SLC49A4: variants seen among roughly 807,000 people sequenced by gnomAD.
SLC49A4 encodes solute carrier family 49 member 4, also known as disrupted in renal cancer protein 2.
Under a neutral mutation model 50.6 loss-of-function variants are expected in SLC49A4, and 36 were observed. That is an observed-to-expected ratio of 0.71 (90% CI 0.55 to 0.94). SLC49A4 has a LOEUF of 0.94. Among genes scored for constraint, SLC49A4 ranks in the 40% least tolerant of loss-of-function variants. SLC49A4 has a pLI of 0.00. For synonymous variants in SLC49A4, 248 were observed against 241.2 expected, an observed-to-expected ratio of 1.03 and a Z score of -0.26; for missense variants, 503 against 605.7, an observed-to-expected ratio of 0.83 and a Z score of 1.78.
intron 7 of SLC49A4, among the ~76,000 whole-genome samples, chr3:122,862,749 A>G (rs1473695357): frequency 6.6e-6 from 1 of 152,236 alleles, no homozygotes; most frequent in Non-Finnish European, 1.5e-5. Context: ...AATTTTTATT[A>G]TAAGATAGTA....
At chr3:122,826,635 T>TA (rs1936532265) in intron 2 of SLC49A4, among the ~76,000 whole-genome samples, 165 bp from the exon 3 acceptor site, 1 of 152,222 alleles carries the variant, frequency 6.6e-6, no homozygotes, top group African/African-American at 2.4e-5. Flanking sequence ...GGAGTCAACA[T>TA]ACCTGTTTTA....
chr3:122,839,437 C>T (rs1223192991), intron 4 of SLC49A4, among the ~76,000 whole-genome samples: 11 of 152,052 alleles, frequency 7.2e-5, no homozygotes, highest in Admixed American at 7.2e-4. Context: ...AAGTAATCAT[C>T]AGAGTAAACA....
chr3:122,865,781 G>A (rs562871003), intron 7 of SLC49A4, among the ~76,000 whole-genome samples: 1 of 152,230 alleles, frequency 6.6e-6, no homozygotes, highest in East Asian at 1.9e-4. Flanking sequence ...TGAAATAAAA[G>A]TTCAGTCAGT....
At chr3:122,810,128 T>C (rs1353983002) in intron 2 of SLC49A4, among the ~76,000 whole-genome samples, 5 of 152,196 alleles carry the variant, frequency 3.3e-5, no homozygotes, top group Admixed American at 3.3e-4. Flanking sequence ...ACCCAGCCTT[T>C]TGGAATGGCT....
intron 2 of SLC49A4, among the ~76,000 whole-genome samples, chr3:122,822,386 A>G (rs1936466453): frequency 6.6e-6 from 1 of 152,134 alleles, no homozygotes; most frequent in Admixed American, 6.6e-5. Flanking sequence ...TTTAAGCTGG[A>G]TGTTTTTTCT....
intron 4 of SLC49A4, among the ~76,000 whole-genome samples, chr3:122,835,163 C>G (rs909275028): frequency 2.6e-5 from 4 of 152,144 alleles, no homozygotes; most frequent in Non-Finnish European, 5.9e-5. Context: ...CCTACTGAAA[C>G]TATTCCAAAA....
chr3:122,866,739 A>T (rs1200424332), intron 7 of SLC49A4, among the ~76,000 whole-genome samples: 1 of 151,358 alleles, frequency 6.6e-6, no homozygotes, highest in African/African-American at 2.4e-5. Flanking sequence ...TCTTAGGACC[A>T]TTCCTCATCG....
chr3:122,813,578 G>T (rs1268374696), intron 2 of SLC49A4, among the ~76,000 whole-genome samples: 2 of 152,092 alleles, frequency 1.3e-5, no homozygotes, highest in Non-Finnish European at 2.9e-5. Flanking sequence ...AAAGTAGACC[G>T]AGTTGAAATT....
At chr3:122,845,322 T>C (rs1401981730) in intron 4 of SLC49A4, among the ~76,000 whole-genome samples, 1 of 152,216 alleles carries the variant, frequency 6.6e-6, no homozygotes, top group Non-Finnish European at 1.5e-5. Context: ...CTGTGGAGTA[T>C]TCCATAGTGT....
intron 2 of SLC49A4, among the ~76,000 whole-genome samples, chr3:122,817,941 C>G (rs1936397619): frequency 6.6e-6 from 1 of 151,972 alleles, no homozygotes; most frequent in Middle Eastern, 3.2e-3. Flanking sequence ...GAAGCAGACA[C>G]TGTCAGCTAC....
chr3:122,856,286 T>A (rs777129722), intron 5 of SLC49A4, 21 bp from the exon 6 acceptor site: 1 of 1,613,130 alleles, frequency 6.2e-7, no homozygotes, highest in East Asian at 2.2e-5. Flanking sequence ...GTATTAAATG[T>A]GTCTGCTTCT....
intron 1 of SLC49A4, among the ~76,000 whole-genome samples, chr3:122,796,256 A>C (rs554953306): frequency 1.8e-4 from 28 of 152,366 alleles, no homozygotes; most frequent in Middle Eastern, 3.4e-3. Context: ...AGTATGGATA[A>C]ATGATTAGTA....
Position 122,857,578 on chromosome 3 carries a change from G to A in SLC49A4, c.1010+1204G>A, listed in dbSNP as rs114434408. ...ACTTTATGGTTCACATAGTGTTTCA[G>A]GGATATTGAAAGAATAAATTGACAC... On this transcript the variant is annotated intron_variant, in intron 6 of 8. Transcript: ENST00000261038. Among the ~76,000 whole-genome samples, 1,103 of 152,224 alleles carry A rather than the reference G, an allele frequency of 7.2e-3. 12 individuals are homozygous for A. The highest frequency in any genetic ancestry group is 0.025 in the African/African-American group (1,043 of 41,544).
In SLC49A4 at chr3:122,795,130, G is replaced by A; in HGVS notation, c.-63G>A. On this transcript the variant is annotated 5_prime_UTR_variant, in exon 1 of 9. Coordinates refer to ENST00000261038, the MANE Select transcript of SLC49A4 (RefSeq NM_032839.3). ...CTCCTGCTGCTCAGGACTATTCTGC[G>A]CTGGGCTAGTCGGCGGTGACCCGGA... is the stretch of plus-strand genomic sequence containing the variant. 2.3e-6 allele frequency: 3 copies of A among 1,295,042 alleles called. No homozygotes were observed. The highest frequency in any genetic ancestry group is 2.9e-6 in the Non-Finnish European group (3 of 1,029,540). The allele number at this position is 1,295,042 out of a possible 1,614,324, so 80.2% of individuals were successfully genotyped here.
In SLC49A4 at chr3:122,826,685, T is replaced by A. The variant is rs377279631; in HGVS notation, c.438-115T>A. 2.9e-6 allele frequency: 3 copies of A among 1,037,386 alleles called. No homozygotes were observed. The African/African-American group carries it at 4.8e-5, about 17-fold the overall frequency. 64.3% of individuals were successfully genotyped at this position (1,037,386 alleles called of 1,614,324 possible). On this transcript the variant is annotated intron_variant, in intron 2 of 8. Transcript: ENST00000261038. Reference sequence around the variant, plus strand: ...ATGTCTTTTAGGCATGTCATATTCTTTACAGATATGTATACTTATTGCCAT... The same window carrying A: ...ATGTCTTTTAGGCATGTCATATTCTATACAGATATGTATACTTATTGCCAT...
At chr3:122,828,305 C>G (rs1013698033) in intron 3 of SLC49A4, among the ~76,000 whole-genome samples, 13 of 152,118 alleles carry the variant, frequency 8.5e-5, no homozygotes, top group African/African-American at 3.1e-4. Context: ...CCTACAATTG[C>G]TCTGAGAGCT....
chr3:122,821,220 G>A (rs564235169), intron 2 of SLC49A4, among the ~76,000 whole-genome samples: 21 of 152,214 alleles, frequency 1.4e-4, no homozygotes, highest in African/African-American at 4.6e-4. Flanking sequence ...ACTCAGTCTC[G>A]GGTATGTCTT....
chr3:122,796,863 A>G (rs137876760), intron 1 of SLC49A4, among the ~76,000 whole-genome samples: 90 of 152,302 alleles, frequency 5.9e-4, no homozygotes, highest in African/African-American at 2.1e-3. Context: ...GCCCTGGTCA[A>G]CAGGGCAAGA....
intron 3 of SLC49A4, among the ~76,000 whole-genome samples, chr3:122,832,651 G>A (rs996098108): frequency 3.3e-5 from 5 of 151,850 alleles, no homozygotes; most frequent in Admixed American, 2.6e-4. Context: ...TCCTAGACCT[G>A]TTTCACAATC....
Sources: allele counts gnomAD v4.1 joint callset (sites outside exome capture counted in the v4.1 genomes callset), GRCh38; gene constraint gnomAD v4.1.1; transcripts MANE v1.5; gene names NCBI Gene and HGNC (gene_info 2026-07-23, HGNC 2026-07-21).